ME1: variants seen among roughly 807,000 people sequenced by gnomAD.
The protein encoded by ME1 is malic enzyme 1, also known as NADP-dependent malic enzyme.
Under a neutral mutation model 66.4 loss-of-function variants are expected in ME1, and 74 were observed. The ratio of observed to expected loss-of-function variants is 1.11; its 90% confidence interval spans 0.92 to 1.35. The LOEUF is 1.35. Ranked by LOEUF, ME1 falls within the 40% of genes most tolerant of loss-of-function variation. The probability of loss-of-function intolerance (pLI) is 0.00; values close to 1 mark genes in which losing one functional copy is unlikely to be tolerated. For missense variants in ME1, 750 were observed against 694.1 expected (o/e 1.08, Z -0.90); for synonymous variants, 251 against 235.6 (o/e 1.07, Z -0.60).
chr6:83,291,615 A>G (rs1767504743), intron 6 of ME1, among the ~76,000 whole-genome samples: 2 of 151,972 alleles, frequency 1.3e-5, no homozygotes, highest in South Asian at 4.2e-4. Flanking sequence ...GCTCTTCTTG[A>G]GGAGTATCTC....
chr6:83,340,355 A>T (rs972558969), intron 5 of ME1, among the ~76,000 whole-genome samples: 1 of 152,204 alleles, frequency 6.6e-6, no homozygotes, highest in Non-Finnish European at 1.5e-5. Flanking sequence ...AATGCCTCTA[A>T]TATATCACCA....
chr6:83,315,083 T>TA (rs1198996899), intron 6 of ME1, among the ~76,000 whole-genome samples: 44 of 148,176 alleles, frequency 3.0e-4, no homozygotes, highest in South Asian at 1.1e-3. Context: ...AAGGTTCTTG[T>TA]AAAAAAAAAA....
intron 6 of ME1, among the ~76,000 whole-genome samples, chr6:83,278,135 C>A (rs1438808756): frequency 6.6e-6 from 1 of 152,022 alleles, no homozygotes; most frequent in Admixed American, 6.6e-5. Context: ...AGGTTGCCCC[C>A]AAAACTAGAA....
chr6:83,324,889 C>T (rs996089821), intron 5 of ME1, among the ~76,000 whole-genome samples: 14 of 152,056 alleles, frequency 9.2e-5, no homozygotes, highest in Admixed American at 5.2e-4. Flanking sequence ...ATCCTGATAC[C>T]AAAACCTGGC....
chr6:83,424,866 G>C (rs779852845), intron 1 of ME1, among the ~76,000 whole-genome samples: 12 of 152,136 alleles, frequency 7.9e-5, no homozygotes, highest in Admixed American at 7.2e-4. Flanking sequence ...GGACTTACTA[G>C]ATGGCCATCT....
intron 7 of ME1, among the ~76,000 whole-genome samples, chr6:83,250,576 G>T (rs79728098): frequency 0.026 from 4,026 of 152,218 alleles, 82 homozygotes; most frequent in Admixed American, 0.054. Flanking sequence ...TCCATCCTTG[G>T]CTCCTTTCTC....
chr6:83,357,682 C>G (rs1768915856), intron 3 of ME1, among the ~76,000 whole-genome samples: 1 of 151,676 alleles, frequency 6.6e-6, no homozygotes, highest in Non-Finnish European at 1.5e-5. Context: ...AATCAGCTGC[C>G]AGTGTGGCTA....
At position 83,353,818 on chromosome 6, in the gene ME1, C is replaced by T. The variant is rs191285338; in HGVS notation, c.363-1679G>A. On this transcript the variant is annotated intron_variant, in intron 3 of 13. Coordinates refer to ENST00000369705, the MANE Select transcript of ME1 (RefSeq NM_002395.6). ...TATTTTGAAAATGTTCTGCCCAGACCTAAAATGAGCCATTTTTCTAATCTG... is the reference window on the plus strand; with the variant it reads ...TATTTTGAAAATGTTCTGCCCAGACTTAAAATGAGCCATTTTTCTAATCTG... 6.6e-5 allele frequency among the ~76,000 whole-genome samples: 10 copies of T among 152,218 alleles called. No homozygotes were observed. In the East Asian group the frequency reaches 1.4e-3, roughly 21 times the overall value.
intron 12 of ME1, among the ~76,000 whole-genome samples, chr6:83,219,836 C>T (rs1281707693): frequency 1.3e-5 from 2 of 151,306 alleles, no homozygotes; most frequent in Non-Finnish European, 2.9e-5. Flanking sequence ...GATCCACCTA[C>T]CTCAGCTTTC....
chr6:83,219,867 C>A (rs184498209), intron 12 of ME1, among the ~76,000 whole-genome samples: 2 of 151,524 alleles, frequency 1.3e-5, no homozygotes, highest in Non-Finnish European at 2.9e-5. Context: ...GGATTACAGA[C>A]GTGAGCCACT....
At chr6:83,234,352 A>T (rs1042563728) in intron 9 of ME1, among the ~76,000 whole-genome samples, 1 of 152,106 alleles carries the variant, frequency 6.6e-6, no homozygotes, top group African/African-American at 2.4e-5. Flanking sequence ...CCTATCTCCA[A>T]CCCAGACACT....
chr6:83,224,157 G>A, intron 11 of ME1, among the ~76,000 whole-genome samples: 1 of 152,094 alleles, frequency 6.6e-6, no homozygotes, highest in African/African-American at 2.4e-5. Context: ...ACTTCCAGGA[G>A]GAGCATGCAA....
At position 83,364,392 on chromosome 6, in the gene ME1, C is replaced by CTATA. The variant is rs59673237; in HGVS notation, c.363-12257_363-12254dup. The stretch of plus-strand genomic sequence containing the variant: ...GTGAGTTAATACTTAATAAACTCCC[C>CTATA]TATATATATATATTCCATTAGTTCT... On this transcript the variant is annotated intron_variant, in intron 3 of 13. Transcript: ENST00000369705. Among the ~76,000 whole-genome samples the CTATA allele has an allele frequency of 1.3e-4, 19 of 151,400 alleles. No homozygotes were observed. In the South Asian group the frequency reaches 3.1e-3, roughly 25 times the overall value.
chr6:83,401,208 G>T (rs1769831526), intron 2 of ME1, among the ~76,000 whole-genome samples: 1 of 152,146 alleles, frequency 6.6e-6, no homozygotes, highest in Non-Finnish European at 1.5e-5. Flanking sequence ...GGTGGAGCAT[G>T]CCTGTAGTCC....
At chr6:83,247,189 A>G (rs1205495925) in intron 7 of ME1, among the ~76,000 whole-genome samples, 3 of 152,134 alleles carry the variant, frequency 2.0e-5, no homozygotes, top group African/African-American at 7.2e-5. Context: ...CATGTTACAG[A>G]GTAACTATTC....
intron 5 of ME1, among the ~76,000 whole-genome samples, chr6:83,341,776 G>A (rs1768590284): frequency 6.6e-6 from 1 of 152,066 alleles, no homozygotes; most frequent in Admixed American, 6.6e-5. Context: ...AACTTTCTAC[G>A]CCTAAGTAAC....
intron 7 of ME1, among the ~76,000 whole-genome samples, chr6:83,240,981 T>G (rs1369223943): frequency 2.6e-5 from 4 of 152,154 alleles, no homozygotes; most frequent in South Asian, 2.1e-4. Context: ...AATTATGAAC[T>G]GTGCTAAGTC....
intron 6 of ME1, among the ~76,000 whole-genome samples, chr6:83,307,744 C>T (rs1324375906): frequency 6.6e-6 from 1 of 151,868 alleles, no homozygotes. Context: ...AGAAAAAGAC[C>T]CTTCCCTGTT....
At chr6:83,290,692 G>T (rs913189380) in intron 6 of ME1, among the ~76,000 whole-genome samples, 7 of 152,098 alleles carry the variant, frequency 4.6e-5, no homozygotes, top group Non-Finnish European at 1.0e-4. Context: ...CTCATTTTCT[G>T]TCTTGTTGAT....
Sources: allele counts gnomAD v4.1 joint callset (sites outside exome capture counted in the v4.1 genomes callset), GRCh38; gene constraint gnomAD v4.1.1; transcripts MANE v1.5; gene names NCBI Gene and HGNC (gene_info 2026-07-23, HGNC 2026-07-21).